Variants in DDX42 observed in about 807,000 individuals in gnomAD.
DDX42 encodes DEAD-box helicase 42, also known as ATP-dependent RNA helicase DDX42.
In DDX42, 22 loss-of-function variants were observed where a neutral mutation model predicts 101.5. The ratio of observed to expected loss-of-function variants is 0.22; its 90% CI spans 0.15 to 0.31. The LOEUF is 0.31. Ranked by LOEUF, DDX42 falls within the 10% of genes least tolerant of loss-of-function variation. The pLI, the probability that DDX42 is intolerant of heterozygous loss-of-function variation, is 1.00. For synonymous variants in DDX42, 402 were observed against 401.2 expected, an observed-to-expected ratio of 1.00 and a Z score of -0.02; for missense variants, 849 against 1,199.9, an observed-to-expected ratio of 0.71 and a Z score of 4.32.
chr17:63,799,809 C>T (rs926350980), intron 5 of DDX42, among the ~76,000 whole-genome samples, 184 bp downstream of exon 5: 1 of 152,166 alleles, frequency 6.6e-6, no homozygotes, highest in Non-Finnish European at 1.5e-5. Context: ...GGCTTTCCCC[C>T]ATATTGAAGA....
At chr17:63,815,459 A>T in intron 15 of DDX42, 104 bp from the exon 16 acceptor site, 1 of 775,742 alleles carries the variant, frequency 1.3e-6, no homozygotes, top group Non-Finnish European at 2.1e-6. Flanking sequence ...GCTGAAAATT[A>T]AGCAAAAGTT....
chr17:63,790,242 G>A, intron 2 of DDX42, among the ~76,000 whole-genome samples: 1 of 152,156 alleles, frequency 6.6e-6, no homozygotes, highest in Non-Finnish European at 1.5e-5. Flanking sequence ...CATATATATT[G>A]CATCGTATAG....
rs1273867019 is a variant in DDX42 at position 63,819,191 on chromosome 17, ATT to A, written c.*797_*798del. On this transcript the variant is annotated 3_prime_UTR_variant, in exon 18 of 18. Coordinates refer to ENST00000389924, the MANE Select transcript of DDX42 (RefSeq NM_203499.3). The stretch of plus-strand genomic sequence containing the variant: ...GTCTTTTGCTGAAATGATTTTGATG[ATT>A]TTTGTTTATCGTTTATAAAAAGGAA... 5.2e-5 allele frequency: 8 copies of A among 152,490 alleles called. No individual in the cohort carries two copies. Among genetic ancestry groups the A allele is most frequent in the African/African-American group, 1.9e-4 (8 of 41,388 alleles). The allele number at this position is 152,490 out of a possible 1,614,324, so 9.4% of individuals were successfully genotyped here. A position where few individuals can be genotyped will look rare whatever the true frequency, so the allele number is the denominator to read the frequency against.
At chr17:63,797,921 C>A in intron 3 of DDX42, 117 bp from the exon 4 acceptor site, 2 of 899,262 alleles carry the variant, frequency 2.2e-6, no homozygotes, top group Non-Finnish European at 3.3e-6. Flanking sequence ...TTGATGGCAT[C>A]AAAATGCACT....
At chr17:63,780,863 G>C (rs73992391) in intron 1 of DDX42, among the ~76,000 whole-genome samples, 6,362 of 152,230 alleles carry the variant, frequency 0.042, 466 homozygotes, top group African/African-American at 0.15. Flanking sequence ...TTTGGGGGAA[G>C]AGTGAGTTAC....
rs138224520 is a variant in DDX42 at position 63,789,546 on chromosome 17, C to CG, written c.221+2276_221+2277insG. The stretch of plus-strand genomic sequence containing the variant: ...ATTGGAAAAAAAAGCTTCTAAAAGA[C>CG]TTTTTTGTTTTTGTTTTTGTTTTTG... On this transcript the variant is annotated intron_variant, in intron 2 of 17. Coordinates refer to ENST00000389924, the MANE Select transcript of DDX42 (RefSeq NM_203499.3). Among the ~76,000 whole-genome samples, 73 of 121,810 alleles carry CG rather than the reference C, an allele frequency of 6.0e-4. 13 individuals carry two copies. The highest frequency in any genetic ancestry group is 1.8e-3 in the African/African-American group (53 of 29,348). 79.9% of individuals were successfully genotyped at this position (121,810 alleles called of 152,430 possible).
At chr17:63,796,398 C>T (rs932768407) in intron 3 of DDX42, among the ~76,000 whole-genome samples, 1 of 152,216 alleles carries the variant, frequency 6.6e-6, no homozygotes, top group South Asian at 2.1e-4. Flanking sequence ...CAACCTCTGC[C>T]TCCCGGGTCC....
At position 63,818,618 on chromosome 17, in the gene DDX42, CT is replaced by C; in HGVS notation, c.*224del. On this transcript the variant is annotated 3_prime_UTR_variant, in exon 18 of 18. Coordinates refer to ENST00000389924, the MANE Select transcript of DDX42 (RefSeq NM_203499.3). The stretch of plus-strand genomic sequence containing the variant: ...GGAAGCAGTGAGAGCTGGGAAGCTT[CT>C]TTTGGCTCTAGGTGAGTTGTCATGT... 2 of 517,566 alleles carry C rather than the reference CT, an allele frequency of 3.9e-6. No individual in the cohort carries two copies. Among genetic ancestry groups the C allele is most frequent in the East Asian group, 3.3e-5 (1 of 30,760 alleles). 32.1% of individuals were successfully genotyped at this position (517,566 alleles called of 1,614,324 possible).
chr17:63,797,028 T>G (rs554888440), intron 3 of DDX42, among the ~76,000 whole-genome samples: 1 of 152,276 alleles, frequency 6.6e-6, no homozygotes, highest in South Asian at 2.1e-4. Flanking sequence ...ATCATTTAAC[T>G]CTTCTGACCT....
chr17:63,791,146 T>A (rs756081723), intron 2 of DDX42, among the ~76,000 whole-genome samples: 9 of 152,202 alleles, frequency 5.9e-5, no homozygotes, highest in Non-Finnish European at 1.3e-4. Context: ...TATTTGAGTT[T>A]GAGATTAAAG....
In DDX42 at chr17:63,792,478, A is replaced by G; in HGVS notation, c.288A>G (p.Ser96=). ...TACCTTACATTCCTGCTGAAAACTC[A>G]CCAACTCGCCAGCAATTCCATTCCA... ...VDLPYIPAEN[S]PTRQQFHSKP... The change falls in exon 3 of 18, where the codon TCA becomes TCG. Residue 96 remains serine (S), a synonymous_variant. Coordinates refer to ENST00000389924, the MANE Select transcript of DDX42 (RefSeq NM_203499.3). 6.2e-7 allele frequency: 1 copy of G among 1,613,836 alleles called. No individual in the cohort carries two copies. Among genetic ancestry groups the G allele is most frequent in the Non-Finnish European group, 8.5e-7 (1 of 1,179,842 alleles).
At chr17:63,808,789 G>T in intron 9 of DDX42, 31 bp from the exon 10 acceptor site, 1 of 1,610,982 alleles carries the variant, frequency 6.2e-7, no homozygotes. Context: ...TAGTGTCACA[G>T]TTTGTTAATA....
chr17:63,812,050 C>G lies in DDX42; in HGVS notation c.1517C>G (p.Thr506Ser), dbSNP rs2039916852. Residue 506 changes from threonine (T) to serine (S), a missense_variant, in exon 14 of 18, where the codon ACT (threonine) becomes AGT (serine). Thr to Ser is a moderately conservative substitution (Grantham distance 58). Coordinates refer to ENST00000389924, the MANE Select transcript of DDX42 (RefSeq NM_203499.3). ...TSSGSVLLFV[T>S]KKANAEELAN... ...TCAGGGAGTGTCCTCCTCTTTGTTACTAAAAAAGCCAATGCTGAAGAGCTA... is the reference window on the plus strand; with the variant it reads ...TCAGGGAGTGTCCTCCTCTTTGTTAGTAAAAAAGCCAATGCTGAAGAGCTA... 1 of 1,614,140 alleles carries G rather than the reference C, an allele frequency of 6.2e-7. No individual in the cohort carries two copies. Among genetic ancestry groups the G allele is most frequent in the Non-Finnish European group, 8.5e-7 (1 of 1,180,024 alleles).
intron 1 of DDX42, among the ~76,000 whole-genome samples, chr17:63,776,585 A>G (rs760607056): frequency 6.6e-6 from 1 of 151,950 alleles, no homozygotes. Flanking sequence ...ATTTTTGTGT[A>G]TGAACTTAAT....
intron 1 of DDX42, among the ~76,000 whole-genome samples, chr17:63,778,350 CAG>C (rs1333776362): frequency 3.9e-5 from 6 of 152,200 alleles, no homozygotes; most frequent in South Asian, 2.1e-4. Context: ...GGACAGTAGT[CAG>C]GGGAGGATTA....
At chr17:63,792,388 A>G in intron 2 of DDX42, 24 bp from the exon 3 acceptor site, 1 of 1,607,624 alleles carries the variant, frequency 6.2e-7, no homozygotes, top group Middle Eastern at 1.7e-4. Context: ...CATTCACTTT[A>G]CCAGTTTGCT....
intron 1 of DDX42, among the ~76,000 whole-genome samples, chr17:63,774,956 G>C (rs2039400419): frequency 6.6e-6 from 1 of 152,214 alleles, no homozygotes; most frequent in African/African-American, 2.4e-5. Context: ...AGGAGAAGCT[G>C]TCGAGAGTTT....
intron 1 of DDX42, chr17:63,774,584 C>T (rs1389619047): frequency 1.3e-5 from 2 of 157,450 alleles, no homozygotes; most frequent in Non-Finnish European, 2.8e-5. Context: ...CGCCCTCCCA[C>T]AGCTCCCGCT....
intron 17 of DDX42, 113 bp from the exon 18 acceptor site, chr17:63,817,581 C>G (rs980223115): frequency 2.9e-6 from 3 of 1,045,050 alleles, no homozygotes; most frequent in Admixed American, 2.6e-5. Context: ...ACACTAAACT[C>G]ACAGTGCCAG....
Sources: gnomAD v4.1 joint callset for allele counts (sites outside exome capture counted in the v4.1 genomes callset) on GRCh38, gnomAD v4.1.1 for gene constraint, MANE v1.5 for transcripts, NCBI Gene and HGNC (gene_info 2026-07-23, HGNC 2026-07-21) for gene names.